Variants in BSPRY observed in about 807,000 individuals in gnomAD.
BSPRY encodes the protein B-box and SPRY domain containing, also known as B box and SPRY domain-containing protein.
BSPRY carries 33 observed loss-of-function variants against 38.0 expected under a neutral mutation model. The ratio of observed to expected loss-of-function variants is 0.87; its 90% CI spans 0.66 to 1.16. The LOEUF is 1.16. BSPRY is among the 50% of genes most tolerant of loss of function. The probability of loss-of-function intolerance (pLI) is 0.00; values close to 1 mark genes in which losing one functional copy is unlikely to be tolerated. For synonymous variants in BSPRY, 224 were observed against 228.5 expected, an observed-to-expected ratio of 0.98 and a Z score of 0.18; for missense variants, 523 against 533.2, an observed-to-expected ratio of 0.98 and a Z score of 0.19.
chr9:113,357,884 TTCTATATATATATATATATATA>T (rs1564336797), intron 2 of BSPRY, among the ~76,000 whole-genome samples: 1 of 87,178 alleles, frequency 1.1e-5, no homozygotes, highest in East Asian at 3.3e-4. Flanking sequence ...GCCTGTAGAG[TTCTATATATATATATATATATA>T]TATATATATA....
At position 113,363,876 on chromosome 9, in the gene BSPRY, C is replaced by CAAAA. The variant is rs57026104; in HGVS notation, c.557+1510_557+1513dup. Reference sequence around the variant, plus strand: ...TGGGTGACAGAGTGAGACTCCACCTCAAAAAAAAAAAAAAAAAAAAAAAAA... The same window carrying CAAAA: ...TGGGTGACAGAGTGAGACTCCACCTCAAAAAAAAAAAAAAAAAAAAAAAAAAAAA... On this transcript the variant is annotated intron_variant, in intron 4 of 5. Transcript: ENST00000374183. Among the ~76,000 whole-genome samples the CAAAA allele has an allele frequency of 9.6e-4, 36 of 37,568 alleles. 3 individuals carry two copies. In the East Asian group the frequency reaches 0.02, roughly 21 times the overall value. 24.6% of individuals were successfully genotyped at this position (37,568 alleles called of 152,430 possible). A position where few individuals can be genotyped will look rare whatever the true frequency, so the allele number is the denominator to read the frequency against.
intron 4 of BSPRY, among the ~76,000 whole-genome samples, chr9:113,367,834 CT>C (rs34649175): frequency 1.6e-3 from 232 of 144,070 alleles, no homozygotes; most frequent in Non-Finnish European, 1.4e-3. Context: ...GGATGCCACT[CT>C]TTTTTTTTTT....
intron 5 of BSPRY, among the ~76,000 whole-genome samples, chr9:113,369,089 G>T: frequency 6.6e-6 from 1 of 151,202 alleles, no homozygotes; most frequent in East Asian, 1.9e-4. Flanking sequence ...ATCAAATGAT[G>T]CCTGATTTAC....
chr9:113,368,244 T>G lies in BSPRY; in HGVS notation c.558-15T>G. ...AACCATCCTGAATCTCTGTCTCTGT[T>G]TTTCCCCATATAAGGACCGAAGAAG... On this transcript the variant is annotated splice_polypyrimidine_tract_variant and intron_variant, in intron 4 of 5. Transcript: ENST00000374183. The G allele has an allele frequency of 6.2e-7, 1 of 1,613,716 alleles. No individual in the cohort carries two copies. The highest frequency in any genetic ancestry group is 1.1e-5 in the South Asian group (1 of 91,062).
At chr9:113,355,028 T>C (rs1834034559) in intron 2 of BSPRY, among the ~76,000 whole-genome samples, 2 of 152,188 alleles carry the variant, frequency 1.3e-5, no homozygotes. Context: ...GCTAACTTTG[T>C]AAATTTTTAG....
intron 1 of BSPRY, among the ~76,000 whole-genome samples, chr9:113,350,366 C>T (rs2118899166): frequency 6.6e-6 from 1 of 152,234 alleles, no homozygotes; most frequent in Non-Finnish European, 1.5e-5. Flanking sequence ...TTTTCGCTTT[C>T]AGGATTGGCC....
chr9:113,367,419 G>A (rs542614042), intron 4 of BSPRY, among the ~76,000 whole-genome samples: 1 of 152,268 alleles, frequency 6.6e-6, no homozygotes, highest in African/African-American at 2.4e-5. Flanking sequence ...TGGCTGGGGT[G>A]ATAACTGATG....
chr9:113,370,040 G>A lies in BSPRY; in HGVS notation c.1107G>A (p.Glu369=), dbSNP rs183940573. The A allele has an allele frequency of 5.7e-5, 92 of 1,614,106 alleles. No individual in the cohort carries two copies. In the Middle Eastern group the frequency reaches 1.3e-3, roughly 23 times the overall value. Residue 369 remains glutamate (E), a synonymous_variant, in exon 6 of 6, where the codon GAG becomes GAA. Transcript: ENST00000374183. This position sits in a 1 kb window ranked among gnomAD's most constrained non-coding sequence, Gnocchi z 4.8. ...DLQVQELLFY[E]PASGTVLCAH... is the part of the protein sequence containing the mutation. ...AGGTTCAGGAGCTGCTCTTCTATGA[G>A]CCAGCCTCCGGCACAGTGCTCTGTG...
At position 113,368,196 on chromosome 9, in the gene BSPRY, T is replaced by C. The variant is rs1834281887; in HGVS notation, c.558-63T>C. On this transcript the variant is annotated intron_variant, in intron 4 of 5. Coordinates refer to ENST00000374183, the MANE Select transcript of BSPRY (RefSeq NM_017688.3). ...TACTTCTGTTCTTCTCTTCACCCCA[T>C]ATTGATCCAGATATATTTCCAGAAC... is the stretch of plus-strand genomic sequence containing the variant. 5 of 1,591,078 alleles carry C rather than the reference T, an allele frequency of 3.1e-6. No individual in the cohort carries two copies. The East Asian group carries it at 1.1e-4, about 36-fold the overall frequency.
At chr9:113,367,852 A>T (rs1316793830) in intron 4 of BSPRY, among the ~76,000 whole-genome samples, 2 of 145,942 alleles carry the variant, frequency 1.4e-5, no homozygotes, top group Non-Finnish European at 3.0e-5. Context: ...TTTTTTTGAG[A>T]CAGGGTCTCA....
intron 4 of BSPRY, among the ~76,000 whole-genome samples, chr9:113,364,625 A>G (rs542254326): frequency 2.0e-5 from 3 of 152,022 alleles, no homozygotes; most frequent in Admixed American, 6.6e-5. Flanking sequence ...TGCCACATTC[A>G]TTGTCGCTCG....
chr9:113,349,652 C>G lies in BSPRY; in HGVS notation c.73C>G (p.His25Asp). The G allele has an allele frequency of 8.1e-7, 1 of 1,231,528 alleles. No homozygotes were observed. The highest frequency in any genetic ancestry group is 1.0e-6 in the Non-Finnish European group (1 of 985,466). The allele number at this position is 1,231,528 out of a possible 1,614,324, so 76.3% of individuals were successfully genotyped here. ...CGGGCCGGGGCCACTCTGCCCCGAA[C>G]ACGGCCAGGCTCTGAGCTGGTTCTG... ...GPGPGPLCPE[H>D]GQALSWFCGS... Residue 25 changes from histidine to aspartate, a missense_variant, in exon 1 of 6, where the codon CAC (histidine) becomes GAC (aspartate). Coordinates refer to ENST00000374183, the MANE Select transcript of BSPRY (RefSeq NM_017688.3).
In BSPRY at chr9:113,368,315, A is replaced by G. The variant is rs753532255; in HGVS notation, c.614A>G (p.Asn205Ser). ...CAGGAGTCGGAAATGTTAAACTTTA[A>G]TGAGAAGTGCACTCGGAGCCCACTA... ...DPQESEMLNFNEKCTRSPLLT... is the reference protein window; with the variant it reads ...DPQESEMLNFSEKCTRSPLLT... Residue 205 changes from asparagine to serine, a missense_variant, in exon 5 of 6, where the codon AAT becomes AGT. By Grantham distance (46) the Asn-to-Ser change is conservative (BLOSUM62 1). Coordinates refer to ENST00000374183, the MANE Select transcript of BSPRY (RefSeq NM_017688.3). The G allele has an allele frequency of 1.9e-6, 3 of 1,613,974 alleles. No homozygotes were observed. Among genetic ancestry groups the G allele is most frequent in the Non-Finnish European group, 2.5e-6 (3 of 1,180,012 alleles).
chr9:113,358,888 T>C (rs1250371692), intron 2 of BSPRY, among the ~76,000 whole-genome samples: 1 of 152,064 alleles, frequency 6.6e-6, no homozygotes, highest in Non-Finnish European at 1.5e-5. Flanking sequence ...GTGGGCTGGA[T>C]GCAGTTGCTC....
Position 113,360,664 on chromosome 9 carries a change from C to T in BSPRY, c.458C>T (p.Ala153Val), listed in dbSNP as rs778147226. Reference sequence around the variant, plus strand: ...ACACAGCGGGTGCACTGGGCCGAGGCGCTGCAGAAACTTGACACCATCCGC... The same window carrying T: ...ACACAGCGGGTGCACTGGGCCGAGGTGCTGCAGAAACTTGACACCATCCGC... Reference protein sequence around the residue: ...ILTQRVHWAEALQKLDTIRTG... With the variant: ...ILTQRVHWAEVLQKLDTIRTG... The change falls in exon 3 of 6, where the codon GCG becomes GTG. Residue 153 changes from alanine (A) to valine (V), a missense_variant. Ala to Val is a moderately conservative substitution (Grantham distance 64). Transcript: ENST00000374183. The T allele has an allele frequency of 1.6e-5, 26 of 1,608,166 alleles. No homozygotes were observed. The highest frequency in any genetic ancestry group is 4.0e-5 in the African/African-American group (3 of 74,828).
chr9:113,355,043 G>A (rs1481800149), intron 2 of BSPRY, among the ~76,000 whole-genome samples: 1 of 152,140 alleles, frequency 6.6e-6, no homozygotes, highest in African/African-American at 2.4e-5. Context: ...TTTTAGTAGA[G>A]ACGGGGTTTT....
Position 113,349,612 on chromosome 9 carries a change from G to A in BSPRY, c.33G>A (p.Gly11=). The A allele has an allele frequency of 8.4e-7, 1 of 1,194,898 alleles. No homozygotes were observed. The highest frequency in any genetic ancestry group is 3.9e-5 in the South Asian group (1 of 25,678). 74.0% of individuals were successfully genotyped at this position (1,194,898 alleles called of 1,614,324 possible). Residue 11 remains glycine (G), a synonymous_variant, in exon 1 of 6, where the codon GGG becomes GGA. Transcript: ENST00000374183. The part of the protein sequence containing the change: MSAEGAEPGP[G]SGSGPGPGPL... ...CCGAGGGCGCGGAGCCGGGGCCGGG[G>A]TCCGGGTCCGGGCCCGGGCCGGGGC...
intron 2 of BSPRY, among the ~76,000 whole-genome samples, chr9:113,359,887 A>ATT (rs1834121037): frequency 1.3e-5 from 2 of 152,120 alleles, no homozygotes; most frequent in African/African-American, 2.4e-5. Flanking sequence ...AAAATTTAAA[A>ATT]AAAAAAATTT....
At chr9:113,350,226 C>G (rs1833950576) in intron 1 of BSPRY, among the ~76,000 whole-genome samples, 1 of 152,122 alleles carries the variant, frequency 6.6e-6, no homozygotes, top group Admixed American at 6.5e-5. Flanking sequence ...AGCTCCCGCC[C>G]CTGTGGAAAC....
Sources: allele counts gnomAD v4.1 joint callset (sites outside exome capture counted in the v4.1 genomes callset), GRCh38; gene constraint gnomAD v4.1.1; non-coding constraint Gnocchi (gnomAD v3.1); transcripts MANE v1.5; gene names NCBI Gene and HGNC (gene_info 2026-07-23, HGNC 2026-07-21).